The following KCNIP4 variants were observed in gnomAD, a reference collection of about 807,000 sequenced individuals.
KCNIP4 encodes potassium voltage-gated channel interacting protein 4.
In KCNIP4, 12 loss-of-function variants were observed where a neutral mutation model predicts 34.0. The ratio of observed to expected loss-of-function variants is 0.35; its 90% CI spans 0.23 to 0.57. The LOEUF (loss-of-function observed/expected upper bound fraction) is 0.57, where lower values mean the gene tolerates loss of function less well. Ranked by LOEUF, KCNIP4 falls within the 20% of genes least tolerant of loss-of-function variation. The pLI is 0.83. For synonymous variants in KCNIP4, 124 were observed against 102.2 expected, an observed-to-expected ratio of 1.21 and a Z score of -1.29; for missense variants, 238 against 311.7, an observed-to-expected ratio of 0.76 and a Z score of 1.78.
intron 1 of KCNIP4, among the ~76,000 whole-genome samples, chr4:20,901,016 ATT>A (rs1727102783): frequency 6.6e-6 from 1 of 152,184 alleles, no homozygotes. Flanking sequence ...GAGCAGGACA[ATT>A]TGTCTGATAA....
chr4:21,289,561 T>A (rs906027606), intron 1 of KCNIP4, among the ~76,000 whole-genome samples: 1 of 152,212 alleles, frequency 6.6e-6, no homozygotes, highest in Non-Finnish European at 1.5e-5. Context: ...GAAAATTATA[T>A]GGATCATCCC....
chr4:21,366,029 T>A (rs1460268841), intron 1 of KCNIP4, among the ~76,000 whole-genome samples: 4 of 152,228 alleles, frequency 2.6e-5, no homozygotes, highest in Admixed American at 1.3e-4. Flanking sequence ...ATGGTATGCT[T>A]GATGATCCTA....
In KCNIP4 at chr4:21,731,472, C is replaced by T. The variant is rs139931068; in HGVS notation, c.61+217099G>A. 4.6e-5 allele frequency among the ~76,000 whole-genome samples: 7 copies of T among 152,224 alleles called. No individual in the cohort carries two copies. The East Asian group carries it at 5.8e-4, about 13-fold the overall frequency. On this transcript the variant is annotated intron_variant, in intron 1 of 8. Transcript: ENST00000382152. ...ATGAAGAGTAGTTTGCTTCTAATCA[C>T]GCTGTATTTTAGTTGGACTAGAAAG...
At chr4:20,803,727 G>GGAAGGGAGGA (rs779473449) in intron 3 of KCNIP4, among the ~76,000 whole-genome samples, 2 of 91,442 alleles carry the variant, frequency 2.2e-5, no homozygotes, top group Non-Finnish European at 4.7e-5. Flanking sequence ...GAGAGAGAGA[G>GGAAGGGAGGA]AGGAAGGAAG....
chr4:21,112,033 CT>C (rs1749237832), intron 1 of KCNIP4, among the ~76,000 whole-genome samples: 1 of 145,654 alleles, frequency 6.9e-6, no homozygotes, highest in African/African-American at 2.6e-5. Flanking sequence ...CTGTATCTAT[CT>C]ATCTATCTAT....
intron 1 of KCNIP4, among the ~76,000 whole-genome samples, chr4:21,655,841 T>G (rs1747879598): frequency 6.6e-6 from 1 of 152,234 alleles, no homozygotes. Context: ...AAATGTGTTC[T>G]GCAAAATATT....
chr4:21,454,630 G>T (rs556057120), intron 1 of KCNIP4, among the ~76,000 whole-genome samples: 1 of 152,146 alleles, frequency 6.6e-6, no homozygotes, highest in Non-Finnish European at 1.5e-5. Context: ...CCAATATTAA[G>T]AAGCATTAGA....
intron 1 of KCNIP4, among the ~76,000 whole-genome samples, chr4:20,892,759 G>A (rs574921860): frequency 5.3e-5 from 8 of 152,174 alleles, no homozygotes; most frequent in African/African-American, 7.2e-5. Flanking sequence ...TTCTAAAGCC[G>A]CTTCTAAGTG....
chr4:20,774,200 G>T (rs1420971139), intron 3 of KCNIP4, among the ~76,000 whole-genome samples: 1 of 152,116 alleles, frequency 6.6e-6, no homozygotes, highest in Admixed American at 6.6e-5. Flanking sequence ...AATGATGCTC[G>T]TTCTGAACCT....
At chr4:20,901,169 A>G (rs113409328) in intron 1 of KCNIP4, among the ~76,000 whole-genome samples, 14 of 152,358 alleles carry the variant, frequency 9.2e-5, no homozygotes, top group African/African-American at 2.6e-4. Flanking sequence ...GCACTATCCA[A>G]TTTAATCATG....
At chr4:21,151,102 T>C (rs1471856790) in intron 1 of KCNIP4, among the ~76,000 whole-genome samples, 6 of 152,314 alleles carry the variant, frequency 3.9e-5, no homozygotes, top group African/African-American at 7.2e-5. Flanking sequence ...AAATTAATAA[T>C]GTTTGCCAAA....
intron 1 of KCNIP4, among the ~76,000 whole-genome samples, chr4:21,836,275 A>G (rs566653289): frequency 6.6e-6 from 1 of 152,160 alleles, no homozygotes; most frequent in East Asian, 1.9e-4. Context: ...CTTCTTGATG[A>G]CATGCCCTTT....
At chr4:21,807,927 C>T (rs1205597819) in intron 1 of KCNIP4, among the ~76,000 whole-genome samples, 1 of 152,102 alleles carries the variant, frequency 6.6e-6, no homozygotes. Context: ...AGGAATAAAA[C>T]TGGAGGAATA....
intron 1 of KCNIP4, among the ~76,000 whole-genome samples, chr4:21,257,557 G>A (rs1761144291): frequency 6.6e-6 from 1 of 152,020 alleles, no homozygotes; most frequent in Non-Finnish European, 1.5e-5. Flanking sequence ...AGGCCAGCCT[G>A]ACAAATATGG....
At chr4:21,354,616 C>T (rs1718376417) in intron 1 of KCNIP4, among the ~76,000 whole-genome samples, 1 of 152,154 alleles carries the variant, frequency 6.6e-6, no homozygotes, top group Non-Finnish European at 1.5e-5. Flanking sequence ...AAGATATATG[C>T]ACCCAATACA....
intron 1 of KCNIP4, among the ~76,000 whole-genome samples, chr4:20,894,305 T>C (rs1050493056): frequency 2.0e-5 from 3 of 152,182 alleles, no homozygotes; most frequent in Non-Finnish European, 4.4e-5. Flanking sequence ...AGAACACAAA[T>C]AAATTGATTC....
At chr4:21,218,676 C>T (rs1030819710) in intron 1 of KCNIP4, among the ~76,000 whole-genome samples, 1 of 152,122 alleles carries the variant, frequency 6.6e-6, no homozygotes. Flanking sequence ...TTCTCATATA[C>T]GTACAAAGGA....
intron 1 of KCNIP4, among the ~76,000 whole-genome samples, chr4:21,512,287 C>T (rs914677150): frequency 6.6e-5 from 10 of 152,110 alleles, no homozygotes; most frequent in African/African-American, 2.2e-4. Context: ...AAAGTGACCA[C>T]ATTTTGAACT....
chr4:21,427,593 G>A (rs553502554), intron 1 of KCNIP4, among the ~76,000 whole-genome samples: 4 of 152,218 alleles, frequency 2.6e-5, no homozygotes, highest in African/African-American at 7.2e-5. Context: ...AGGGTAACTC[G>A]AAGGGACTGA....
Sources: gnomAD v4.1 joint callset for allele counts (sites outside exome capture counted in the v4.1 genomes callset) on GRCh38, gnomAD v4.1.1 for gene constraint, MANE v1.5 for transcripts, NCBI Gene and HGNC (gene_info 2026-07-23, HGNC 2026-07-21) for gene names.